The following TADA1 variants were observed in gnomAD, a reference collection of about 807,000 sequenced individuals.
The protein encoded by TADA1 is transcriptional adaptor 1, also known as transcriptional adapter 1.
TADA1 carries 23 observed loss-of-function variants against 39.3 expected under a neutral mutation model. The ratio of observed to expected loss-of-function variants is 0.58; its 90% CI spans 0.42 to 0.83. The LOEUF (loss-of-function observed/expected upper bound fraction) is 0.83. Among genes scored for constraint, TADA1 ranks in the 40% least tolerant of loss-of-function variants. TADA1 has a pLI of 0.00. For synonymous variants in TADA1, 137 were observed against 151.8 expected, an observed-to-expected ratio of 0.90 and a Z score of 0.72; for missense variants, 352 against 408.1, an observed-to-expected ratio of 0.86 and a Z score of 1.18.
At chr1:166,862,001 G>A (rs946936747) in intron 5 of TADA1, among the ~76,000 whole-genome samples, 6 of 152,162 alleles carry the variant, frequency 3.9e-5, no homozygotes, top group Non-Finnish European at 5.9e-5. Context: ...CCAGGTTGCA[G>A]TGAGCCATGA....
At position 166,873,685 on chromosome 1, in the gene TADA1, G is replaced by C. The variant is rs185772610; in HGVS notation, c.74+2475C>G. ...ATGAGAGAATGGAAAAACAAATTTA[G>C]AACTATACGTTACCATTAACTGTTT... On this transcript the variant is annotated intron_variant, in intron 1 of 7. Coordinates refer to ENST00000367874, the MANE Select transcript of TADA1 (RefSeq NM_053053.4). Among the ~76,000 whole-genome samples, 13 of 152,264 alleles carry C rather than the reference G, an allele frequency of 8.5e-5. No homozygotes were observed. The South Asian group carries it at 1.2e-3, about 15-fold the overall frequency.
At chr1:166,865,902 A>AT (rs36036808) in intron 3 of TADA1, among the ~76,000 whole-genome samples, 6 of 150,646 alleles carry the variant, frequency 4.0e-5, no homozygotes, top group African/African-American at 1.5e-4. Context: ...CAATTTTGAT[A>AT]TTTTTGGAAA....
At chr1:166,867,856 A>G (rs1427622088) in intron 3 of TADA1, among the ~76,000 whole-genome samples, 3 of 152,204 alleles carry the variant, frequency 2.0e-5, no homozygotes, top group Non-Finnish European at 2.9e-5. Context: ...CTGGGAATAC[A>G]GGCGTGAGCC....
intron 3 of TADA1, among the ~76,000 whole-genome samples, chr1:166,865,542 G>A (rs1018746481): frequency 2.0e-5 from 3 of 151,892 alleles, no homozygotes; most frequent in Admixed American, 1.3e-4. Context: ...GGCCGGGTGC[G>A]GTGGCTCAAG....
At chr1:166,862,635 G>A (rs760537) in intron 4 of TADA1, 219,507 of 579,110 alleles carry the variant, frequency 0.38, 42,173 homozygotes, top group Middle Eastern at 0.54. Context: ...GGTAGTTTGC[G>A]TAGTAGTTTA....
chr1:166,860,286 G>C lies in TADA1; in HGVS notation c.592C>G (p.Arg198Gly), dbSNP rs776604977. 4.6e-5 allele frequency: 75 copies of C among 1,613,768 alleles called. 1 individual carries two copies. The South Asian group carries it at 7.9e-4, about 17-fold the overall frequency. Residue 198 changes from arginine (R) to glycine (G), a missense_variant, in exon 6 of 8, where the codon CGG becomes GGG. Transcript: ENST00000367874. The part of the protein sequence containing the change: ...TSVVSRRKAY[R>G]LRDGHFKYAF... Reference sequence around the variant, plus strand: ...TATTTAAAATGACCATCTCGTAACCGATAAGCTTTCCTTCTTGACACAACT... The same window carrying C: ...TATTTAAAATGACCATCTCGTAACCCATAAGCTTTCCTTCTTGACACAACT...
chr1:166,862,593 T>TGAAGACATCC (rs1658439779), intron 4 of TADA1, 181 bp from the exon 5 acceptor site: 1 of 608,556 alleles, frequency 1.6e-6, no homozygotes, highest in African/African-American at 1.9e-5. Flanking sequence ...CAATACAAGG[T>TGAAGACATCC]AATAATGAAG....
chr1:166,869,618 G>A, intron 2 of TADA1, 108 bp from the exon 3 acceptor site: 1 of 1,359,504 alleles, frequency 7.4e-7, no homozygotes, highest in Non-Finnish European at 1.0e-6. Context: ...ATTCTGCCAT[G>A]CTTTATACTT....
At chr1:166,870,653 C>A (rs1040008632) in intron 1 of TADA1, among the ~76,000 whole-genome samples, 4 of 152,118 alleles carry the variant, frequency 2.6e-5, no homozygotes, top group Non-Finnish European at 5.9e-5. Flanking sequence ...CATGGCAGGA[C>A]CTCCCTCTCT....
intron 3 of TADA1, among the ~76,000 whole-genome samples, chr1:166,866,756 T>TA (rs1340875246): frequency 2.0e-5 from 3 of 150,978 alleles, no homozygotes; most frequent in South Asian, 2.1e-4. Context: ...TTTTATTTTT[T>TA]TTTTTTGAGA....
intron 1 of TADA1, among the ~76,000 whole-genome samples, chr1:166,872,375 A>C (rs1658677362): frequency 6.6e-6 from 1 of 152,132 alleles, no homozygotes; most frequent in South Asian, 2.1e-4. Flanking sequence ...GTTTCCTTTC[A>C]CAAAGTGATC....
intron 6 of TADA1, 37 bp downstream of exon 6, chr1:166,860,149 A>C: frequency 6.4e-7 from 1 of 1,571,372 alleles, no homozygotes; most frequent in South Asian, 1.2e-5. Context: ...AACAACTAGC[A>C]AAAGATGGAA....
chr1:166,868,028 T>G (rs1658573652), intron 3 of TADA1, among the ~76,000 whole-genome samples: 1 of 152,016 alleles, frequency 6.6e-6, no homozygotes, highest in South Asian at 2.1e-4. Flanking sequence ...ACAACAGGAG[T>G]TGGTAAGCAC....
At chr1:166,861,895 AT>A (rs906169867) in intron 5 of TADA1, among the ~76,000 whole-genome samples, 319 of 149,600 alleles carry the variant, frequency 2.1e-3, no homozygotes, top group African/African-American at 6.6e-3. Context: ...TCCCTAAAAA[AT>A]TTTTTTTTTT....
chr1:166,873,694 GT>G (rs1658704909), intron 1 of TADA1, among the ~76,000 whole-genome samples: 1 of 152,076 alleles, frequency 6.6e-6, no homozygotes, highest in Non-Finnish European at 1.5e-5. Context: ...AGAACTATAC[GT>G]TACCATTAAC....
Position 166,857,636 on chromosome 1 carries a change from A to C in TADA1, c.939T>G (p.His313Gln), listed in dbSNP as rs765362854. The change falls in exon 8 of 8, where the codon CAT becomes CAG. Residue 313 changes from histidine (H) to glutamine (Q), a missense_variant. Coordinates refer to ENST00000367874, the MANE Select transcript of TADA1 (RefSeq NM_053053.4). Reference protein sequence around the residue: ...RIITKLWHPNHEELQQDKVHR... With the variant: ...RIITKLWHPNQEELQQDKVHR... Reference sequence around the variant, plus strand: ...GAACTTTGTCTTGCTGCAGCTCTTCATGATTTGGATGCCAGAGTTTCGTGA... The same window carrying C: ...GAACTTTGTCTTGCTGCAGCTCTTCCTGATTTGGATGCCAGAGTTTCGTGA... 1.2e-6 allele frequency: 2 copies of C among 1,614,072 alleles called. No homozygotes were observed. The highest frequency in any genetic ancestry group is 1.7e-6 in the Non-Finnish European group (2 of 1,180,040).
intron 5 of TADA1, 100 bp downstream of exon 5, chr1:166,862,103 G>A (rs889909341): frequency 7.9e-6 from 9 of 1,143,704 alleles, no homozygotes; most frequent in Non-Finnish European, 1.1e-5. Context: ...TGTGAAATCA[G>A]AGTGACATTT....
rs768847685 is a variant in TADA1 at position 166,869,800 on chromosome 1, A to C, written c.129T>G (p.Phe43Leu). The change falls in exon 2 of 8, where the codon TTT becomes TTG. Residue 43 changes from phenylalanine (F) to leucine (L), a missense_variant. Phe to Leu is a conservative substitution (Grantham distance 22). Coordinates refer to ENST00000367874, the MANE Select transcript of TADA1 (RefSeq NM_053053.4). ...WFKQKISKEE[F>L]DLEAHRLLTQ... is the part of the protein sequence containing the mutation. ...TGAGAAGTCTATGAGCTTCAAGGTC[A>C]AACTCCTCTTTGCTGATCTTCTGCT... is the stretch of plus-strand genomic sequence containing the variant. 6.2e-7 allele frequency: 1 copy of C among 1,614,072 alleles called. No homozygotes were observed. The highest frequency in any genetic ancestry group is 8.5e-7 in the Non-Finnish European group (1 of 1,180,024).
rs199559320 is a variant in TADA1, at chr1:166,860,274, C to G, written c.604G>C (p.Gly202Arg). 1.2e-5 allele frequency: 20 copies of G among 1,613,884 alleles called. No homozygotes were observed. In the Admixed American group the frequency reaches 1.7e-4, roughly 13 times the overall value. Residue 202 changes from glycine to arginine, a missense_variant, in exon 6 of 8, where the codon GGT becomes CGT. Gly to Arg is a moderately radical substitution (Grantham distance 125, BLOSUM62 -2). Coordinates refer to ENST00000367874, the MANE Select transcript of TADA1 (RefSeq NM_053053.4). ...CTGCCAAAGGCATATTTAAAATGAC[C>G]ATCTCGTAACCGATAAGCTTTCCTT... ...SRRKAYRLRD[G>R]HFKYAFGSNV...
Sources: gnomAD v4.1 joint callset for allele counts (sites outside exome capture counted in the v4.1 genomes callset) on GRCh38, gnomAD v4.1.1 for gene constraint, MANE v1.5 for transcripts, NCBI Gene and HGNC (gene_info 2026-07-23, HGNC 2026-07-21) for gene names.